The following FMN2 variants were observed in gnomAD, a reference collection of about 807,000 sequenced individuals.
FMN2 encodes the protein formin 2, also known as formin-2.
A neutral mutation model predicts 142.3 loss-of-function variants in FMN2; 51 were observed. The ratio of observed to expected loss-of-function variants is 0.36; its 90% CI spans 0.29 to 0.45. FMN2 has a LOEUF of 0.45. Ranked by LOEUF, FMN2 falls within the 20% of genes least tolerant of loss-of-function variation. The pLI is 1.00. For synonymous variants in FMN2, 882 were observed against 869.8 expected, an observed-to-expected ratio of 1.01 and a Z score of -0.25; for missense variants, 1,936 against 2,122.8, an observed-to-expected ratio of 0.91 and a Z score of 1.73.
At chr1:240,141,877 G>A (rs1364402367) in intron 2 of FMN2, among the ~76,000 whole-genome samples, 1 of 152,174 alleles carries the variant, frequency 6.6e-6, no homozygotes, top group Non-Finnish European at 1.5e-5. Context: ...GTCCTCAGAA[G>A]TTGGGTGGTT....
At chr1:240,212,748 G>T (rs1666742088) in intron 6 of FMN2, among the ~76,000 whole-genome samples, 1 of 152,076 alleles carries the variant, frequency 6.6e-6, no homozygotes, top group African/African-American at 2.4e-5. Context: ...TCCTCTTTTG[G>T]GTTGTGTCAG....
rs182859960 is a variant in FMN2, at chr1:240,308,764, G to A, written c.4215+13881G>A. 5.0e-3 allele frequency among the ~76,000 whole-genome samples: 754 copies of A among 152,240 alleles called. 6 individuals are homozygous for A. Among genetic ancestry groups the A allele is most frequent in the African/African-American group, 0.017 (709 of 41,534 alleles). ...GCTGCTGAGAAGTGGTCAGATTCTG[G>A]AACTATTTTGAAGAATATGCCAGTA... On this transcript the variant is annotated intron_variant, in intron 8 of 17. Transcript: ENST00000319653.
Position 240,320,365 on chromosome 1 carries a change from T to G in FMN2, c.4216-8711T>G, listed in dbSNP as rs189970628. Among the ~76,000 whole-genome samples the G allele has an allele frequency of 9.4e-4, 143 of 152,290 alleles. 1 individual carries two copies. The highest frequency in any genetic ancestry group is 3.2e-3 in the African/African-American group (132 of 41,576). On this transcript the variant is annotated intron_variant, in intron 8 of 17. Transcript: ENST00000319653. ...GTGTGTAGCCACTTTGCTCATGTAT[T>G]TGGCCATAAGGAAGAATGAGCCTGT...
intron 17 of FMN2, among the ~76,000 whole-genome samples, chr1:240,472,897 A>G (rs1676857504): frequency 6.7e-6 from 1 of 149,140 alleles, no homozygotes; most frequent in African/African-American, 2.5e-5. Flanking sequence ...GTGAGCCAAG[A>G]TTGCAACACT....
intron 7 of FMN2, among the ~76,000 whole-genome samples, chr1:240,273,314 G>A (rs1201406166): frequency 6.6e-6 from 1 of 152,190 alleles, no homozygotes; most frequent in Non-Finnish European, 1.5e-5. Context: ...TATGAGGCAG[G>A]TGTTTTTATC....
intron 16 of FMN2, among the ~76,000 whole-genome samples, chr1:240,447,848 T>C (rs892653943): frequency 6.6e-6 from 1 of 152,158 alleles, no homozygotes; most frequent in Non-Finnish European, 1.5e-5. Context: ...TCACTTTCAG[T>C]GAGTGAATTG....
At chr1:240,287,531 T>A (rs1669631469) in intron 7 of FMN2, among the ~76,000 whole-genome samples, 1 of 152,202 alleles carries the variant, frequency 6.6e-6, no homozygotes, top group Admixed American at 6.5e-5. Context: ...CCCAAATTAG[T>A]GTTAATGGCT....
At chr1:240,445,740 G>A (rs930054413) in intron 16 of FMN2, among the ~76,000 whole-genome samples, 1 of 143,478 alleles carries the variant, frequency 7.0e-6, no homozygotes, top group African/African-American at 2.6e-5. Flanking sequence ...AACCTTATAT[G>A]ATACATGTAA....
At chr1:240,398,997 C>T (rs1673883018) in intron 15 of FMN2, among the ~76,000 whole-genome samples, 1 of 152,048 alleles carries the variant, frequency 6.6e-6, no homozygotes, top group African/African-American at 2.4e-5. Flanking sequence ...CCATGGATTG[C>T]AGCCCTGGGC....
chr1:240,319,181 G>A (rs1457663436), intron 8 of FMN2, among the ~76,000 whole-genome samples: 1 of 152,096 alleles, frequency 6.6e-6, no homozygotes, highest in East Asian at 1.9e-4. Context: ...AGATTCACAA[G>A]AAGAAGATGT....
chr1:240,332,797 G>A (rs919518966), intron 11 of FMN2, among the ~76,000 whole-genome samples: 7 of 152,094 alleles, frequency 4.6e-5, no homozygotes, highest in African/African-American at 1.7e-4. Flanking sequence ...AGACCTCCAT[G>A]GACAGAGCTG....
intron 4 of FMN2, among the ~76,000 whole-genome samples, chr1:240,201,536 A>C (rs1373406162): frequency 3.3e-5 from 5 of 152,178 alleles, no homozygotes; most frequent in Non-Finnish European, 5.9e-5. Flanking sequence ...GAGGTTCTCA[A>C]ATACTACAAA....
At chr1:240,276,612 T>C (rs1047230919) in intron 7 of FMN2, among the ~76,000 whole-genome samples, 4 of 152,088 alleles carry the variant, frequency 2.6e-5, no homozygotes, top group African/African-American at 9.7e-5. Flanking sequence ...GATGCAGTTA[T>C]CTATTGGGGT....
intron 16 of FMN2, among the ~76,000 whole-genome samples, chr1:240,463,930 G>A (rs1053762642): frequency 2.6e-5 from 4 of 152,096 alleles, no homozygotes; most frequent in Admixed American, 1.3e-4. Context: ...TTGAACCTAC[G>A]AGGCAGAGGT....
chr1:240,349,868 C>G lies in FMN2; in HGVS notation c.4766-5948C>G, dbSNP rs148301966. On this transcript the variant is annotated intron_variant, in intron 13 of 17. Transcript: ENST00000319653. ...TTAATATTTGGATTTGACTGCAATG[C>G]AAGTTTTCCAGGAACTCTATCTTTG... Among the ~76,000 whole-genome samples the G allele has an allele frequency of 8.4e-3, 1,275 of 152,204 alleles. 12 individuals are homozygous for G. The highest frequency in any genetic ancestry group is 0.029 in the African/African-American group (1,202 of 41,540).
chr1:240,466,710 A>G (rs141615820), intron 16 of FMN2, among the ~76,000 whole-genome samples: 10 of 152,240 alleles, frequency 6.6e-5, no homozygotes, highest in African/African-American at 2.4e-4. Flanking sequence ...CTTTATGGGA[A>G]CCTGTTGAAT....
intron 1 of FMN2, among the ~76,000 whole-genome samples, chr1:240,103,322 C>T (rs1262455074): frequency 6.6e-6 from 1 of 152,194 alleles, no homozygotes; most frequent in South Asian, 2.1e-4. Context: ...CCCCTGATTT[C>T]CTTTTGTATG....
intron 2 of FMN2, among the ~76,000 whole-genome samples, chr1:240,151,971 T>G (rs1663797748): frequency 6.6e-6 from 1 of 152,238 alleles, no homozygotes; most frequent in South Asian, 2.1e-4. Context: ...TTTGCCATGT[T>G]GCCCAGGCTG....
chr1:240,112,112 T>A (rs1225333163), intron 1 of FMN2, among the ~76,000 whole-genome samples: 1 of 151,942 alleles, frequency 6.6e-6, no homozygotes, highest in Non-Finnish European at 1.5e-5. Flanking sequence ...ACAAGACACC[T>A]AACATCCTTA....
Sources: gnomAD v4.1 joint callset for allele counts (sites outside exome capture counted in the v4.1 genomes callset) on GRCh38, gnomAD v4.1.1 for gene constraint, MANE v1.5 for transcripts, NCBI Gene and HGNC (gene_info 2026-07-23, HGNC 2026-07-21) for gene names.